The following DNAJC10 variants were observed in gnomAD, a reference collection of about 807,000 sequenced individuals.
DNAJC10 encodes DnaJ heat shock protein family (Hsp40) member C10.
A neutral mutation model predicts 115.0 loss-of-function variants in DNAJC10; 101 were observed. The ratio of observed to expected loss-of-function variants is 0.88; its 90% CI spans 0.75 to 1.04. DNAJC10 has a LOEUF of 1.04. Among genes scored for constraint, DNAJC10 ranks in the 50% least tolerant of loss-of-function variants. The pLI, the probability that DNAJC10 is intolerant of heterozygous loss-of-function variation, is 0.00. For synonymous variants in DNAJC10, 307 were observed against 301.5 expected (o/e 1.02, Z -0.19); for missense variants, 981 against 928.8 (o/e 1.06, Z -0.73).
intron 5 of DNAJC10, among the ~76,000 whole-genome samples, chr2:182,725,785 G>A (rs1042238455): frequency 9.9e-5 from 15 of 152,178 alleles, no homozygotes; most frequent in Admixed American, 5.9e-4. Context: ...AGAAGATCTA[G>A]CTAAGATCAT....
chr2:182,741,835 G>C (rs6715609), intron 13 of DNAJC10, among the ~76,000 whole-genome samples: 5,603 of 152,078 alleles, frequency 0.037, 364 homozygotes, highest in African/African-American at 0.13. Context: ...ATGTATATGT[G>C]TGCACATGCA....
At chr2:182,767,926 A>T (rs140970379) in intron 22 of DNAJC10, among the ~76,000 whole-genome samples, 182 of 152,240 alleles carry the variant, frequency 1.2e-3, no homozygotes, top group African/African-American at 4.1e-3. Context: ...TGCACAAATA[A>T]CATACACACA....
At chr2:182,740,240 G>A in intron 11 of DNAJC10, 59 bp from the exon 12 acceptor site, 1 of 1,215,490 alleles carries the variant, frequency 8.2e-7, no homozygotes, top group Non-Finnish European at 1.1e-6. Flanking sequence ...AAAAACAAAA[G>A]ATATCAAATA....
intron 17 of DNAJC10, among the ~76,000 whole-genome samples, chr2:182,755,494 GA>G (rs1204437394): frequency 1.5e-4 from 19 of 130,326 alleles, no homozygotes; most frequent in African/African-American, 3.2e-4. Context: ...GGGACTCCTA[GA>G]AAAAAAAAAA....
chr2:182,730,533 G>C (rs1463793094), intron 8 of DNAJC10: 2 of 451,206 alleles, frequency 4.4e-6, no homozygotes, highest in East Asian at 7.0e-5. Context: ...TATTATTATA[G>C]AGCTTAAGGG....
intron 14 of DNAJC10, among the ~76,000 whole-genome samples, chr2:182,745,573 G>A (rs967725451): frequency 1.3e-5 from 2 of 152,160 alleles, no homozygotes; most frequent in Non-Finnish European, 2.9e-5. Context: ...TTGAGCATCT[G>A]CATGTACCAG....
Position 182,716,323 on chromosome 2 carries a change from G to T in DNAJC10, c.-364G>T, listed in dbSNP as rs1278566774. The T allele has an allele frequency of 6.6e-6, 1 of 152,426 alleles. No individual in the cohort carries two copies. Among genetic ancestry groups the T allele is most frequent in the South Asian group, 2.1e-4 (1 of 4,832 alleles). 9.4% of individuals were successfully genotyped at this position (152,426 alleles called of 1,614,324 possible). A position where few individuals can be genotyped will look rare whatever the true frequency, so the allele number is the denominator to read the frequency against. On this transcript the variant is annotated 5_prime_UTR_variant, in exon 1 of 24. Transcript: ENST00000264065. ...TACCGGCCGCGCGCTGGTAGTCGCC[G>T]GTGTGGCTGCACCTCACCAATCCCG...
chr2:182,735,794 G>T (rs1693567914), intron 10 of DNAJC10, among the ~76,000 whole-genome samples: 1 of 152,062 alleles, frequency 6.6e-6, no homozygotes, highest in African/African-American at 2.4e-5. Flanking sequence ...GATGAAAACT[G>T]GGAAGATACT....
chr2:182,758,087 G>A (rs1173100873), intron 19 of DNAJC10, among the ~76,000 whole-genome samples: 1 of 152,116 alleles, frequency 6.6e-6, no homozygotes, highest in Non-Finnish European at 1.5e-5. Context: ...ACCTTATTTG[G>A]TTTCAGGTAC....
At chr2:182,753,916 C>T (rs1194571677) in intron 16 of DNAJC10, among the ~76,000 whole-genome samples, 2 of 152,024 alleles carry the variant, frequency 1.3e-5, no homozygotes, top group African/African-American at 4.8e-5. Context: ...CATCTTAGCT[C>T]ATTAAACATA....
At chr2:182,767,728 T>G (rs1268935282) in intron 22 of DNAJC10, among the ~76,000 whole-genome samples, 2 of 152,110 alleles carry the variant, frequency 1.3e-5, no homozygotes, top group African/African-American at 4.8e-5. Context: ...GTCCACCAAG[T>G]ATTTATTGAA....
At chr2:182,737,502 A>C (rs1258229796) in intron 11 of DNAJC10, among the ~76,000 whole-genome samples, 1 of 152,170 alleles carries the variant, frequency 6.6e-6, no homozygotes, top group African/African-American at 2.4e-5. Flanking sequence ...ATATATATGC[A>C]ATTACGACTT....
chr2:182,730,608 A>G (rs986749373), intron 8 of DNAJC10: 2 of 446,628 alleles, frequency 4.5e-6, no homozygotes, highest in Admixed American at 4.9e-5. Flanking sequence ...ACTTCTTGAA[A>G]GAAGTCATAT....
rs1694930526 is a variant in DNAJC10, at chr2:182,785,554, G to T, written c.*8422G>T. 6.6e-6 allele frequency: 1 copy of T among 152,022 alleles called. No homozygotes were observed. Among genetic ancestry groups the T allele is most frequent in the South Asian group, 2.1e-4 (1 of 4,826 alleles). The allele number at this position is 152,022 out of a possible 1,614,324, so 9.4% of individuals were successfully genotyped here. ...TAGGTAGTCATATAAATAAGATGAG[G>T]TAATGTGTTTAGAAAAACAAATCAA... is the stretch of plus-strand genomic sequence containing the variant. On this transcript the variant is annotated 3_prime_UTR_variant, in exon 24 of 24. Transcript: ENST00000264065.
rs1194267543 is a variant in DNAJC10 at position 182,740,054 on chromosome 2, A to G, written c.988-245A>G. 5 of 1,024,622 alleles carry G rather than the reference A, an allele frequency of 4.9e-6. No individual in the cohort carries two copies. In the African/African-American group the frequency reaches 8.6e-5, roughly 18 times the overall value. The allele number at this position is 1,024,622 out of a possible 1,614,324, so 63.5% of individuals were successfully genotyped here. On this transcript the variant is annotated intron_variant, in intron 11 of 23. Transcript: ENST00000264065. Reference sequence around the variant, plus strand: ...CATAGTTAATTAAAAATTCCAGTTAATGCAACATCTTATAATGGAATTTAT... The same window carrying G: ...CATAGTTAATTAAAAATTCCAGTTAGTGCAACATCTTATAATGGAATTTAT...
chr2:182,734,219 T>A (rs947719130), intron 10 of DNAJC10, among the ~76,000 whole-genome samples: 1 of 151,366 alleles, frequency 6.6e-6, no homozygotes, highest in African/African-American at 2.4e-5. Context: ...TCCTTTCTAA[T>A]ATATGAATTT....
Position 182,794,141 on chromosome 2 carries a change from C to G in DNAJC10, c.*17009C>G, listed in dbSNP as rs77989559. 0.031 allele frequency: 4,744 copies of G among 152,320 alleles called. 157 individuals are homozygous for G. The highest frequency in any genetic ancestry group is 0.085 in the African/African-American group (3,543 of 41,492). The allele number at this position is 152,320 out of a possible 1,614,324, so 9.4% of individuals were successfully genotyped here. On this transcript the variant is annotated 3_prime_UTR_variant, in exon 24 of 24. Coordinates refer to ENST00000264065, the MANE Select transcript of DNAJC10 (RefSeq NM_018981.4). ...GAGAGCAGTGAACAAATCCACAGGA[C>G]AGCAGCTAAGTAGGAGGCCTAAACA... is the stretch of plus-strand genomic sequence containing the variant.
In DNAJC10 at chr2:182,760,352, A is replaced by G. The variant is rs558651960; in HGVS notation, c.2145+1045A>G. 2.6e-5 allele frequency among the ~76,000 whole-genome samples: 4 copies of G among 152,272 alleles called. No individual in the cohort carries two copies. In the South Asian group the frequency reaches 8.3e-4, roughly 32 times the overall value. On this transcript the variant is annotated intron_variant, in intron 21 of 23. Transcript: ENST00000264065. ...TTAATTCTTTATTTATTATTACTTG[A>G]AAGATATTTAATTTGACCAGAAATA...
At chr2:182,775,692 A>G (rs1694687821) in intron 23 of DNAJC10, among the ~76,000 whole-genome samples, 1 of 152,196 alleles carries the variant, frequency 6.6e-6, no homozygotes, top group South Asian at 2.1e-4. Flanking sequence ...TAGCTGTATC[A>G]TTCATAATAG....
Sources: allele counts gnomAD v4.1 joint callset (sites outside exome capture counted in the v4.1 genomes callset), GRCh38; gene constraint gnomAD v4.1.1; transcripts MANE v1.5; gene names NCBI Gene and HGNC (gene_info 2026-07-23, HGNC 2026-07-21).